The following ZNF44 variants were observed in gnomAD, a reference collection of about 807,000 sequenced individuals.
The protein encoded by ZNF44 is zinc finger protein 44, also known as gonadotropin inducible transcription repressor-2.
A neutral mutation model predicts 11.7 loss-of-function variants in ZNF44; 9 were observed. That is an observed-to-expected ratio of 0.77 (90% CI 0.46 to 1.35). ZNF44 has a LOEUF of 1.35. Among genes scored for constraint, ZNF44 ranks in the 40% most tolerant of loss-of-function variants. The pLI is 0.00. For synonymous variants in ZNF44, 224 were observed against 242.7 expected (o/e 0.92, Z 0.72); for missense variants, 696 against 743.1 (o/e 0.94, Z 0.74).
At chr19:12,282,619 C>T (rs1019775031) in intron 1 of ZNF44, among the ~76,000 whole-genome samples, 3 of 151,992 alleles carry the variant, frequency 2.0e-5, no homozygotes, top group Admixed American at 6.6e-5. Flanking sequence ...GACAGGATTT[C>T]GCCATGTTGG....
At chr19:12,289,620 C>T (rs1212096412) in intron 1 of ZNF44, among the ~76,000 whole-genome samples, 2 of 150,660 alleles carry the variant, frequency 1.3e-5, no homozygotes, top group Admixed American at 6.6e-5. Flanking sequence ...CCTTATGTAG[C>T]GCTGTTTTAG....
chr19:12,231,906 A>T (rs1212572929), intron 2 of ZNF44, among the ~76,000 whole-genome samples: 1 of 152,226 alleles, frequency 6.6e-6, no homozygotes, highest in Non-Finnish European at 1.5e-5. Flanking sequence ...TGGAAAAGAA[A>T]AAGACACAAA....
exon 8 of ZNF44, chr19:12,248,524 A>T (rs535648171): frequency 7.7e-7 from 1 of 1,290,892 alleles, no homozygotes; most frequent in East Asian, 5.5e-5. Flanking sequence ...TTAAGGGATG[A>T]ATGATGGCTC....
intron 5 of ZNF44, chr19:12,260,412 A>G (rs1033693160): frequency 6.9e-7 from 1 of 1,441,210 alleles, no homozygotes. Flanking sequence ...CAGACACATG[A>G]TCCTCAAGAA....
At chr19:12,238,303 A>C (rs117879427), upstream of ZNF44, among the ~76,000 whole-genome samples, 3 of 152,198 alleles carry the variant, frequency 2.0e-5, no homozygotes, top group East Asian at 5.8e-4. Flanking sequence ...CGCTCTGGCC[A>C]ACATGGTGAA....
At chr19:12,249,579 C>T (rs868519141) in intron 7 of ZNF44, among the ~76,000 whole-genome samples, 1 of 151,676 alleles carries the variant, frequency 6.6e-6, no homozygotes, top group African/African-American at 2.4e-5. Flanking sequence ...CGAGATGGAG[C>T]TTCACTCTTG....
intron 1 of ZNF44, among the ~76,000 whole-genome samples, chr19:12,290,166 A>G (rs941026506): frequency 6.6e-6 from 1 of 151,526 alleles, no homozygotes; most frequent in Admixed American, 6.6e-5. Context: ...CGGGCAGATC[A>G]CCTGAGGTCG....
In ZNF44 at chr19:12,273,373, A is replaced by C. The variant is rs774307466; in HGVS notation, c.882T>G (p.Gly294=). The change falls in exon 4 of 4, where the codon GGT becomes GGG. Residue 294 remains glycine (G), a synonymous_variant. Coordinates refer to ENST00000355684, the MANE Select transcript of ZNF44 (RefSeq NM_016264.4). ...GAATTCTTTCATGTACTCGAAGGGA[A>C]CCGGAAACACTGAAGGCTTTCCCAC... ...KQCGKAFSVS[G]SLRVHERIHT... The C allele has an allele frequency of 3.1e-6, 5 of 1,613,348 alleles. No individual in the cohort carries two copies. The highest frequency in any genetic ancestry group is 1.3e-5 in the African/African-American group (1 of 74,754).
chr19:12,248,415 T>C, exon 8 of ZNF44: 1 of 1,291,016 alleles, frequency 7.7e-7, no homozygotes, highest in Non-Finnish European at 1.0e-6. Context: ...AGACTGCAGA[T>C]AACTGAAGGG....
At chr19:12,261,143 G>C (rs1358706408) in intron 5 of ZNF44, among the ~76,000 whole-genome samples, 1 of 152,220 alleles carries the variant, frequency 6.6e-6, no homozygotes, top group Non-Finnish European at 1.5e-5. Context: ...TACTGTGGTT[G>C]GAAGTGGGGC....
intron 5 of ZNF44, among the ~76,000 whole-genome samples, chr19:12,258,855 T>C (rs987944030): frequency 1.3e-5 from 2 of 151,620 alleles, no homozygotes; most frequent in African/African-American, 4.8e-5. Context: ...AATAACTCAC[T>C]GGTTCAGAGC....
chr19:12,259,235 A>G (rs1357408204), intron 5 of ZNF44, among the ~76,000 whole-genome samples: 3 of 152,256 alleles, frequency 2.0e-5, no homozygotes, highest in Admixed American at 6.5e-5. Flanking sequence ...TAGCCAACAC[A>G]ATAGTTATGA....
chr19:12,272,593 G>A lies in ZNF44; in HGVS notation c.1662C>T (p.His554=), dbSNP rs2145720862. Residue 554 remains histidine, a synonymous_variant, in exon 4 of 4, where the codon CAC becomes CAT. Coordinates refer to ENST00000355684, the MANE Select transcript of ZNF44 (RefSeq NM_016264.4). ...TACATTCATAGGGTCTTTCTCCAGT[G>A]TGAGTCCTTTCATGTCTTAGAAGGA... ...PSFLLRHERT[H]TGERPYECKH... The A allele has an allele frequency of 6.2e-7, 1 of 1,613,396 alleles. No homozygotes were observed. The highest frequency in any genetic ancestry group is 2.2e-5 in the East Asian group (1 of 44,860).
chr19:12,248,762 C>T (rs1916859923), intron 7 of ZNF44: 2 of 881,314 alleles, frequency 2.3e-6, no homozygotes, highest in African/African-American at 1.8e-5. Context: ...CTATTTTTTC[C>T]ACTTTCAGGG....
chr19:12,247,521 T>C (rs1315698888), downstream of ZNF44: 3 of 1,350,462 alleles, frequency 2.2e-6, no homozygotes, highest in Non-Finnish European at 3.0e-6. Context: ...CTGTTTACAT[T>C]CATAAGGTTT....
At chr19:12,262,048 CTAAA>C (rs906960052) in intron 5 of ZNF44, among the ~76,000 whole-genome samples, 1 of 152,040 alleles carries the variant, frequency 6.6e-6, no homozygotes, top group African/African-American at 2.4e-5. Context: ...AAATCTCTAA[CTAAA>C]TGACAAATTG....
At chr19:12,275,058 A>C (rs1052096150) in intron 2 of ZNF44, 25 bp from the exon 3 acceptor site, 9 of 1,528,218 alleles carry the variant, frequency 5.9e-6, no homozygotes, top group Non-Finnish European at 7.1e-6. Flanking sequence ...CAGAAAATTC[A>C]CTATAAATTA....
At chr19:12,279,732 T>G (rs559729757) in intron 1 of ZNF44, among the ~76,000 whole-genome samples, 2 of 151,812 alleles carry the variant, frequency 1.3e-5, no homozygotes, top group African/African-American at 4.8e-5. Flanking sequence ...TTGAGCCATA[T>G]AGAATTTCTG....
chr19:12,279,005 C>G (rs1158426569), intron 1 of ZNF44, among the ~76,000 whole-genome samples: 1 of 152,172 alleles, frequency 6.6e-6, no homozygotes, highest in Non-Finnish European at 1.5e-5. Context: ...GAGAGCCATC[C>G]ATGAAGACTG....
Sources: gnomAD v4.1 joint callset for allele counts (sites outside exome capture counted in the v4.1 genomes callset) on GRCh38, gnomAD v4.1.1 for gene constraint, MANE v1.5 for transcripts, NCBI Gene and HGNC (gene_info 2026-07-23, HGNC 2026-07-21) for gene names.